SNX9: variants seen among roughly 807,000 people sequenced by gnomAD.
SNX9 encodes sorting nexin-9.
In SNX9, 44 loss-of-function variants were observed where a neutral mutation model predicts 89.4. The ratio of observed to expected loss-of-function variants is 0.49; its 90% confidence interval spans 0.39 to 0.63. SNX9 has a LOEUF of 0.63. Ranked by LOEUF, SNX9 falls within the 30% of genes least tolerant of loss-of-function variation. SNX9 has a pLI of 0.00. For missense variants in SNX9, 578 were observed against 736.1 expected (o/e 0.79, Z 2.49); for synonymous variants, 236 against 247.8 (o/e 0.95, Z 0.45).
intron 5 of SNX9, among the ~76,000 whole-genome samples, chr6:157,900,421 G>T (rs1217612614): frequency 1.3e-5 from 2 of 152,116 alleles, no homozygotes; most frequent in Non-Finnish European, 2.9e-5. Flanking sequence ...GCGGGATCTG[G>T]CCAGCAGCCC....
At chr6:157,884,038 T>C (rs1782682591) in intron 4 of SNX9, among the ~76,000 whole-genome samples, 1 of 152,224 alleles carries the variant, frequency 6.6e-6, no homozygotes. Context: ...GACTTACAGA[T>C]TTCCTGAATC....
chr6:157,868,559 C>A (rs1562599213), intron 2 of SNX9, among the ~76,000 whole-genome samples: 1 of 152,204 alleles, frequency 6.6e-6, no homozygotes, highest in African/African-American at 2.4e-5. Flanking sequence ...ACATAATATT[C>A]ATTTGTGTCC....
At chr6:157,906,332 C>T in intron 7 of SNX9, 120 bp downstream of exon 7, 1 of 712,064 alleles carries the variant, frequency 1.4e-6, no homozygotes, top group Non-Finnish European at 2.3e-6. Flanking sequence ...TAATGCCCCA[C>T]ATAACTGATA....
At chr6:157,891,802 T>C (rs1782867875) in intron 4 of SNX9, among the ~76,000 whole-genome samples, 1 of 152,138 alleles carries the variant, frequency 6.6e-6, no homozygotes, top group South Asian at 2.1e-4. Flanking sequence ...GAAGATGAGG[T>C]GTGCAGATAA....
At chr6:157,846,090 T>C (rs1781802186) in intron 1 of SNX9, among the ~76,000 whole-genome samples, 1 of 152,220 alleles carries the variant, frequency 6.6e-6, no homozygotes, top group Non-Finnish European at 1.5e-5. Context: ...CTGATGAGAT[T>C]GTCTTCGGCT....
intron 7 of SNX9, among the ~76,000 whole-genome samples, chr6:157,909,316 G>A (rs112465589): frequency 5.2e-4 from 79 of 152,282 alleles, no homozygotes; most frequent in African/African-American, 9.6e-4. Context: ...TGATAGATTC[G>A]AAATTTTTAA....
intron 7 of SNX9, among the ~76,000 whole-genome samples, chr6:157,908,669 G>GA (rs1343152137): frequency 6.6e-6 from 1 of 152,124 alleles, no homozygotes; most frequent in Admixed American, 6.5e-5. Context: ...TAAATAAGAT[G>GA]AAAAAACCAG....
At chr6:157,902,778 G>A (rs1562611739) in intron 6 of SNX9, among the ~76,000 whole-genome samples, 1 of 152,068 alleles carries the variant, frequency 6.6e-6, no homozygotes, top group Non-Finnish European at 1.5e-5. Context: ...AGCAATTCTC[G>A]TGCCTCAGCC....
rs146301382 is a variant in SNX9, at chr6:157,889,028, C to T, written c.301-7799C>T. ...GGAAGGGGAGGTGTAAGGAAAGAAA[C>T]GAAGAGGCATCTCAGCATTGGAAAC... is the stretch of plus-strand genomic sequence containing the variant. On this transcript the variant is annotated intron_variant, in intron 4 of 17. Coordinates refer to ENST00000392185, the MANE Select transcript of SNX9 (RefSeq NM_016224.5). Among the ~76,000 whole-genome samples the T allele has an allele frequency of 4.8e-3, 737 of 152,116 alleles. 4 individuals are homozygous for T. The highest frequency in any genetic ancestry group is 0.017 in the African/African-American group (696 of 41,480).
At chr6:157,900,511 G>A (rs1324621319) in intron 5 of SNX9, among the ~76,000 whole-genome samples, 2 of 152,130 alleles carry the variant, frequency 1.3e-5, no homozygotes, top group Non-Finnish European at 2.9e-5. Flanking sequence ...GATAGCGAAA[G>A]CTGGGTCCGG....
chr6:157,844,439 C>G (rs1375369166), intron 1 of SNX9, among the ~76,000 whole-genome samples: 1 of 142,818 alleles, frequency 7.0e-6, no homozygotes, highest in African/African-American at 2.9e-5. Context: ...GTTTATTGAT[C>G]GGGGTGGTGC....
chr6:157,852,902 C>T (rs1781941978), intron 1 of SNX9, among the ~76,000 whole-genome samples: 1 of 152,060 alleles, frequency 6.6e-6, no homozygotes, highest in Admixed American at 6.6e-5. Flanking sequence ...TTTTATTTCC[C>T]AGTATTATAG....
In SNX9 at chr6:157,840,419, CT is replaced by C. The variant is rs761527662; in HGVS notation, c.12+16977del. 7.4e-4 allele frequency among the ~76,000 whole-genome samples: 104 copies of C among 141,464 alleles called. 1 individual carries two copies. The highest frequency in any genetic ancestry group is 1.1e-3 in the African/African-American group (40 of 36,600). 92.8% of individuals were successfully genotyped at this position (141,464 alleles called of 152,430 possible). On this transcript the variant is annotated intron_variant, in intron 1 of 17. Coordinates refer to ENST00000392185, the MANE Select transcript of SNX9 (RefSeq NM_016224.5). ...TTTACAAAAAATACTTTCTTTCTTT[CT>C]TTTCTTTCTTTTCTTTCCTTTCTTT... is the stretch of plus-strand genomic sequence containing the variant.
At chr6:157,913,034 A>G (rs966314452) in intron 9 of SNX9, among the ~76,000 whole-genome samples, 1 of 152,216 alleles carries the variant, frequency 6.6e-6, no homozygotes, top group African/African-American at 2.4e-5. Context: ...TCAACCAATG[A>G]TAGGATAATG....
At chr6:157,866,708 A>G (rs968943579) in intron 1 of SNX9, among the ~76,000 whole-genome samples, 1 of 152,216 alleles carries the variant, frequency 6.6e-6, no homozygotes, top group African/African-American at 2.4e-5. Context: ...TAAATTTCTG[A>G]GTTAATGTGG....
rs1782289511 is a variant in SNX9 at position 157,867,534 on chromosome 6, C to G, written c.13-13C>G. The G allele has an allele frequency of 2.5e-6, 4 of 1,604,292 alleles. No homozygotes were observed. Among genetic ancestry groups the G allele is most frequent in the Non-Finnish European group, 3.4e-6 (4 of 1,172,550 alleles). ...TGTTTGTAACATCCTCTTTTCCTCTCCACTCCTGATAGGCTCGGGTTATGT... is the reference window on the plus strand; with the variant it reads ...TGTTTGTAACATCCTCTTTTCCTCTGCACTCCTGATAGGCTCGGGTTATGT... On this transcript the variant is annotated splice_polypyrimidine_tract_variant and intron_variant, in intron 1 of 17. Coordinates refer to ENST00000392185, the MANE Select transcript of SNX9 (RefSeq NM_016224.5).
chr6:157,882,602 A>G (rs188262202), intron 4 of SNX9, among the ~76,000 whole-genome samples: 179 of 152,340 alleles, frequency 1.2e-3, no homozygotes, highest in African/African-American at 3.2e-3. Flanking sequence ...AAGAAGGTCA[A>G]AATGTCAACA....
chr6:157,840,172 C>T (rs908022246), intron 1 of SNX9, among the ~76,000 whole-genome samples: 3 of 110,322 alleles, frequency 2.7e-5, no homozygotes, highest in African/African-American at 1.3e-4. Context: ...CTTTGGATCT[C>T]GGGAAAGAGC....
At chr6:157,897,879 G>T (rs1783013171) in intron 5 of SNX9, among the ~76,000 whole-genome samples, 2 of 152,152 alleles carry the variant, frequency 1.3e-5, no homozygotes, top group African/African-American at 4.8e-5. Flanking sequence ...GGGAGGTGGA[G>T]CTGGAAGTTC....
Sources: gnomAD v4.1 joint callset for allele counts (sites outside exome capture counted in the v4.1 genomes callset) on GRCh38, gnomAD v4.1.1 for gene constraint, MANE v1.5 for transcripts, NCBI Gene and HGNC (gene_info 2026-07-23, HGNC 2026-07-21) for gene names.